Variants in ZNF140 observed in about 807,000 individuals in gnomAD.
ZNF140 encodes zinc finger protein 140.
Under a neutral mutation model 12.9 loss-of-function variants are expected in ZNF140, and 13 were observed. The observed-to-expected ratio is 1.01, with a 90% CI of 0.66 to 1.60. The LOEUF is 1.60. Among genes scored for constraint, ZNF140 ranks in the 40% most tolerant of loss-of-function variants. ZNF140 has a pLI of 0.00. For synonymous variants in ZNF140, 214 were observed against 186.7 expected (o/e 1.15, Z -1.19); for missense variants, 531 against 548.8 (o/e 0.97, Z 0.32).
At chr12:133,085,798 C>T (rs1042306206) in intron 4 of ZNF140, among the ~76,000 whole-genome samples, 3 of 152,216 alleles carry the variant, frequency 2.0e-5, no homozygotes, top group Admixed American at 6.5e-5. Context: ...GGGAGAATCA[C>T]TTGAGGCCAG....
intron 4 of ZNF140, among the ~76,000 whole-genome samples, chr12:133,097,317 G>A (rs1484131681): frequency 1.3e-5 from 2 of 152,252 alleles, no homozygotes; most frequent in South Asian, 2.1e-4. Flanking sequence ...TTAAGTTAGT[G>A]TATTTAGACT....
rs759689828 is a variant in ZNF140, at chr12:133,106,437, G to A, written c.1160G>A (p.Cys387Tyr). The change falls in exon 5 of 5, where the codon TGT (cysteine) becomes TAT (tyrosine). Residue 387 changes from cysteine (C) to tyrosine (Y), a missense_variant. Coordinates refer to ENST00000355557, the MANE Select transcript of ZNF140 (RefSeq NM_003440.4). ...CACACTGGAGAGAAACCCTATGCGT[G>A]TGCTGAATGTGATAAAGCCTTCAGC... ...KSHTGEKPYA[C>Y]AECDKAFSRS... is the part of the protein sequence containing the mutation. 6.2e-6 allele frequency: 10 copies of A among 1,613,972 alleles called. No individual in the cohort carries two copies. The highest frequency in any genetic ancestry group is 8.5e-6 in the Non-Finnish European group (10 of 1,180,014).
rs113875103 is a variant in ZNF140 at position 133,091,132 on chromosome 12, C to T, written c.232+7571C>T. 9.3e-3 allele frequency among the ~76,000 whole-genome samples: 1,373 copies of T among 147,432 alleles called. 24 individuals carry two copies. Among genetic ancestry groups the T allele is most frequent in the African/African-American group, 0.012 (462 of 40,166 alleles). On this transcript the variant is annotated intron_variant, in intron 4 of 4. Transcript: ENST00000355557. ...CTTTTACAGGTGTCGGGCTGGGGGA[C>T]GGTCAGGTCTTTCTCATCCCACGAG...
intron 4 of ZNF140, among the ~76,000 whole-genome samples, chr12:133,095,497 C>T (rs1955041119): frequency 6.6e-6 from 1 of 151,042 alleles, no homozygotes; most frequent in Admixed American, 6.6e-5. Flanking sequence ...CCCCTCCACA[C>T]CTGTGGGTAT....
intron 4 of ZNF140, among the ~76,000 whole-genome samples, chr12:133,090,300 G>C (rs1398827998): frequency 6.6e-6 from 1 of 151,834 alleles, no homozygotes; most frequent in Non-Finnish European, 1.5e-5. Context: ...CAACACTCCT[G>C]ACTAAATATT....
At chr12:133,086,802 C>T (rs1954691788) in intron 4 of ZNF140, among the ~76,000 whole-genome samples, 5 of 152,146 alleles carry the variant, frequency 3.3e-5, no homozygotes, top group Non-Finnish European at 7.3e-5. Flanking sequence ...ATCCATCGTT[C>T]ACTTTATTTT....
chr12:133,095,694 G>C (rs916106703), intron 4 of ZNF140, among the ~76,000 whole-genome samples: 3 of 151,766 alleles, frequency 2.0e-5, no homozygotes, highest in Non-Finnish European at 2.9e-5. Flanking sequence ...TAGTAGGAGA[G>C]CAGGGTGATA....
chr12:133,093,036 T>G (rs1291203506), intron 4 of ZNF140, among the ~76,000 whole-genome samples: 1 of 151,200 alleles, frequency 6.6e-6, no homozygotes, highest in Non-Finnish European at 1.5e-5. Context: ...TAAGTAAATT[T>G]ACTGGTGGCA....
At chr12:133,091,141 C>T (rs1433265907) in intron 4 of ZNF140, among the ~76,000 whole-genome samples, 16 of 149,992 alleles carry the variant, frequency 1.1e-4, no homozygotes, top group African/African-American at 3.7e-4. Flanking sequence ...ACGGTCAGGT[C>T]TTTCTCATCC....
At chr12:133,104,518 A>AT (rs1593806878) in intron 4 of ZNF140, among the ~76,000 whole-genome samples, 1 of 151,856 alleles carries the variant, frequency 6.6e-6, no homozygotes, top group African/African-American at 2.4e-5. Flanking sequence ...CGCCTGGCTA[A>AT]TTTTTTGTAT....
intron 2 of ZNF140, 118 bp from the exon 3 acceptor site, chr12:133,082,985 C>T (rs1266426024): frequency 1.4e-6 from 2 of 1,473,390 alleles, no homozygotes; most frequent in Admixed American, 2.0e-5. Context: ...TCTGAAAACT[C>T]TCACTGTTAC....
chr12:133,093,964 T>C lies in ZNF140; in HGVS notation c.232+10403T>C, dbSNP rs571491747. 1.3e-5 allele frequency among the ~76,000 whole-genome samples: 2 copies of C among 151,162 alleles called. 1 individual carries two copies. Among genetic ancestry groups the C allele is most frequent in the African/African-American group, 4.9e-5 (2 of 40,770 alleles). On this transcript the variant is annotated intron_variant, in intron 4 of 4. Coordinates refer to ENST00000355557, the MANE Select transcript of ZNF140 (RefSeq NM_003440.4). Reference sequence around the variant, plus strand: ...TCTGTCTGTTATCCCCTGTGTCCTCTCTCCTTCACACTTAGTCTCTTTTTC... The same window carrying C: ...TCTGTCTGTTATCCCCTGTGTCCTCCCTCCTTCACACTTAGTCTCTTTTTC...
In ZNF140 at chr12:133,081,344, G is replaced by GATAAATAA; in HGVS notation, c.9+22_9+23insAATAAATA. 6.5e-6 allele frequency: 3 copies of GATAAATAA among 461,280 alleles called. No homozygotes were observed. Among genetic ancestry groups the GATAAATAA allele is most frequent in the Admixed American group, 6.9e-5 (2 of 29,128 alleles). 28.6% of individuals were successfully genotyped at this position (461,280 alleles called of 1,614,324 possible). A position where few individuals can be genotyped will look rare whatever the true frequency, so the allele number is the denominator to read the frequency against. ...CTATGTCTCAGGTAAGCTAATGATT[G>GATAAATAA]ATAAATATATATATATATATATATA... On this transcript the variant is annotated intron_variant, in intron 2 of 4. Transcript: ENST00000355557.
intron 4 of ZNF140, among the ~76,000 whole-genome samples, chr12:133,090,781 G>A (rs1013741547): frequency 1.4e-5 from 2 of 142,064 alleles, no homozygotes; most frequent in African/African-American, 2.6e-5. Context: ...TAAGGAGAAG[G>A]TCAGCAAAAA....
chr12:133,106,397 C>G lies in ZNF140; in HGVS notation c.1120C>G (p.Gln374Glu). ...KVFTWHASLI[Q>E]HTKSHTGEKP... ...TTTCACTTGGCATGCATCCCTTATTCAACATACGAAGAGTCACACTGGAGA... is the reference window on the plus strand; with the variant it reads ...TTTCACTTGGCATGCATCCCTTATTGAACATACGAAGAGTCACACTGGAGA... The change falls in exon 5 of 5, where the codon CAA (glutamine) becomes GAA (glutamate). Residue 374 changes from glutamine to glutamate, a missense_variant. Coordinates refer to ENST00000355557, the MANE Select transcript of ZNF140 (RefSeq NM_003440.4). The G allele has an allele frequency of 6.2e-7, 1 of 1,614,124 alleles. No individual in the cohort carries two copies. The highest frequency in any genetic ancestry group is 2.2e-5 in the East Asian group (1 of 44,870).
chr12:133,096,356 A>C (rs980894322), intron 4 of ZNF140, among the ~76,000 whole-genome samples: 2 of 152,166 alleles, frequency 1.3e-5, no homozygotes, highest in Non-Finnish European at 2.9e-5. Context: ...GAAAGCTACA[A>C]ATTAACAACA....
chr12:133,080,636 G>C (rs1158042172), upstream of ZNF140: 9 of 152,588 alleles, frequency 5.9e-5, no homozygotes, highest in African/African-American at 2.2e-4. Flanking sequence ...TCTCGGCTCT[G>C]GGCGTGGGAG....
intron 4 of ZNF140, among the ~76,000 whole-genome samples, chr12:133,096,829 A>G (rs1955146947): frequency 6.6e-6 from 1 of 152,224 alleles, no homozygotes; most frequent in Admixed American, 6.5e-5. Context: ...ATTGGAGATG[A>G]ATGTGTAATC....
chr12:133,096,010 T>C (rs1365923544), intron 4 of ZNF140, among the ~76,000 whole-genome samples: 2 of 150,990 alleles, frequency 1.3e-5, no homozygotes, highest in African/African-American at 4.9e-5. Flanking sequence ...GCAAGAGGCT[T>C]TCCTCTTTTA....
Sources: allele counts gnomAD v4.1 joint callset (sites outside exome capture counted in the v4.1 genomes callset), GRCh38; gene constraint gnomAD v4.1.1; transcripts MANE v1.5; gene names NCBI Gene and HGNC (gene_info 2026-07-23, HGNC 2026-07-21).